CACNG2: variants seen among roughly 807,000 people sequenced by gnomAD.
The protein encoded by CACNG2 is voltage-dependent calcium channel gamma-2 subunit.
Under a neutral mutation model 25.9 loss-of-function variants are expected in CACNG2, and 3 were observed. The ratio of observed to expected loss-of-function variants is 0.12; its 90% CI spans 0.05 to 0.30. CACNG2 has a LOEUF of 0.30. Ranked by LOEUF, CACNG2 falls within the 10% of genes least tolerant of loss-of-function variation. The probability of loss-of-function intolerance (pLI) is 1.00; values close to 1 mark genes in which losing one functional copy is unlikely to be tolerated. For missense variants in CACNG2, 341 were observed against 432.5 expected, an observed-to-expected ratio of 0.79 and a Z score of 1.88; for synonymous variants, 167 against 173.3, an observed-to-expected ratio of 0.96 and a Z score of 0.29.
intron 2 of CACNG2, among the ~76,000 whole-genome samples, chr22:36,575,257 T>C (rs1298602661): frequency 1.3e-5 from 2 of 152,124 alleles, no homozygotes; most frequent in Non-Finnish European, 1.5e-5. Flanking sequence ...ATAAAGAGTA[T>C]CCTAAGTGCC....
chr22:36,610,305 C>T (rs1162002627), intron 1 of CACNG2, among the ~76,000 whole-genome samples: 3 of 141,848 alleles, frequency 2.1e-5, no homozygotes, highest in African/African-American at 5.4e-5. Flanking sequence ...CCGCTTAGAG[C>T]GTGATTGGGC....
rs578030584 is a variant in CACNG2 at position 36,571,404 on chromosome 22, CTG to C, written c.296-4913_296-4912del. ...CCCGGGAGGCAGAGGTTGCAGTAAA[CTG>C]AGATTTCGCCACTGCACTCTAGCCT... On this transcript the variant is annotated intron_variant, in intron 2 of 3. Transcript: ENST00000300105. 4.6e-5 allele frequency among the ~76,000 whole-genome samples: 7 copies of C among 152,008 alleles called. No individual in the cohort carries two copies. The South Asian group carries it at 1.5e-3, about 32-fold the overall frequency.
At chr22:36,685,021 A>G (rs894756414) in intron 1 of CACNG2, among the ~76,000 whole-genome samples, 3 of 151,918 alleles carry the variant, frequency 2.0e-5, no homozygotes, top group African/African-American at 7.3e-5. Flanking sequence ...GCCGTCTGAG[A>G]CTCTGGCCTG....
At chr22:36,654,786 A>T (rs1272690417) in intron 1 of CACNG2, among the ~76,000 whole-genome samples, 1 of 152,216 alleles carries the variant, frequency 6.6e-6, no homozygotes, top group South Asian at 2.1e-4. Context: ...CTAGAACTTC[A>T]GATTATTACA....
chr22:36,646,838 C>T (rs1936532339), intron 1 of CACNG2, among the ~76,000 whole-genome samples: 1 of 151,220 alleles, frequency 6.6e-6, no homozygotes, highest in African/African-American at 2.4e-5. Context: ...AGATTTCTCA[C>T]ATAATAATAA....
At chr22:36,700,864 T>A (rs144196004) in intron 1 of CACNG2, among the ~76,000 whole-genome samples, 41 of 152,314 alleles carry the variant, frequency 2.7e-4, no homozygotes, top group African/African-American at 9.4e-4. Flanking sequence ...AAATAGACCA[T>A]CGCTCAATGA....
chr22:36,588,354 A>C (rs1398723293), intron 1 of CACNG2, among the ~76,000 whole-genome samples: 1 of 152,182 alleles, frequency 6.6e-6, no homozygotes, highest in Non-Finnish European at 1.5e-5. Flanking sequence ...GCCTGGGGCA[A>C]ATCCCAGCAC....
At chr22:36,605,360 C>A (rs1372924873) in intron 1 of CACNG2, among the ~76,000 whole-genome samples, 1 of 152,192 alleles carries the variant, frequency 6.6e-6, no homozygotes, top group Non-Finnish European at 1.5e-5. Context: ...AAGGCATGAG[C>A]CACCATGCCC....
Position 36,679,136 on chromosome 22 carries a change from C to CCCTTCCTT in CACNG2, c.211+23222_211+23229dup, listed in dbSNP as rs575397901. On this transcript the variant is annotated intron_variant, in intron 1 of 3. Transcript: ENST00000300105. ...TATCTGCCAGCATTTTGGATTTTCT[C>CCCTTCCTT]CCTTCCTTCCTTCCTTCCTTCCTTC... Among the ~76,000 whole-genome samples, 193 of 128,430 alleles carry CCCTTCCTT rather than the reference C, an allele frequency of 1.5e-3. 2 individuals carry two copies. The highest frequency in any genetic ancestry group is 2.6e-3 in the African/African-American group (84 of 32,896). 84.3% of individuals were successfully genotyped at this position (128,430 alleles called of 152,430 possible).
chr22:36,696,653 C>T lies in CACNG2; in HGVS notation c.211+5713G>A, dbSNP rs1025208844. 9.2e-5 allele frequency among the ~76,000 whole-genome samples: 14 copies of T among 152,274 alleles called. No individual in the cohort carries two copies. The South Asian group carries it at 2.7e-3, about 29-fold the overall frequency. ...GTCTAGTGGTGAGAGACAGACACCACATATAATGAGTGGAGGACAGAGCGT... is the reference window on the plus strand; with the variant it reads ...GTCTAGTGGTGAGAGACAGACACCATATATAATGAGTGGAGGACAGAGCGT... On this transcript the variant is annotated intron_variant, in intron 1 of 3. Coordinates refer to ENST00000300105, the MANE Select transcript of CACNG2 (RefSeq NM_006078.5).
chr22:36,650,725 G>A (rs948068275), intron 1 of CACNG2, among the ~76,000 whole-genome samples: 4 of 151,860 alleles, frequency 2.6e-5, no homozygotes, highest in African/African-American at 9.7e-5. Flanking sequence ...TCACTTTTTT[G>A]GCCACGCTGA....
At chr22:36,631,124 C>T (rs548583389) in intron 1 of CACNG2, among the ~76,000 whole-genome samples, 21 of 152,232 alleles carry the variant, frequency 1.4e-4, no homozygotes, top group Middle Eastern at 3.4e-3. Context: ...CCACCGTACC[C>T]GGCCCTCTTG....
intron 1 of CACNG2, among the ~76,000 whole-genome samples, chr22:36,590,130 G>A (rs953691832): frequency 2.0e-5 from 3 of 152,116 alleles, no homozygotes; most frequent in Admixed American, 2.0e-4. Context: ...CCTGTTCCCC[G>A]CAGGAACAGG....
intron 1 of CACNG2, among the ~76,000 whole-genome samples, chr22:36,598,293 A>G (rs1424103649): frequency 6.6e-6 from 1 of 152,180 alleles, no homozygotes; most frequent in African/African-American, 2.4e-5. Flanking sequence ...GGGCACCAAG[A>G]TCTTTTGCAC....
chr22:36,669,438 G>T (rs1359203444), intron 1 of CACNG2, among the ~76,000 whole-genome samples: 1 of 147,822 alleles, frequency 6.8e-6, no homozygotes, highest in Non-Finnish European at 1.5e-5. Flanking sequence ...AACCCAGGAG[G>T]CAGAGGTTGC....
chr22:36,703,030 CAGTT>C lies in CACNG2; in HGVS notation c.-458_-455del, dbSNP rs1202763762. On this transcript the variant is annotated 5_prime_UTR_variant, in exon 1 of 4. The change creates a premature stop within an existing upstream ORF in the 5' untranslated region. Transcript: ENST00000300105. ...CCATTTCTCATGGTCGGGACCTAGACAGTTAGAGACTGTGAGAGCCGAGATGCAA... is the reference window on the plus strand; with the variant it reads ...CCATTTCTCATGGTCGGGACCTAGACAGAGACTGTGAGAGCCGAGATGCAA... 1.9e-5 allele frequency: 3 copies of C among 161,558 alleles called. No homozygotes were observed. The highest frequency in any genetic ancestry group is 1.7e-4 in the South Asian group (1 of 5,856). 10.0% of individuals were successfully genotyped at this position (161,558 alleles called of 1,614,324 possible).
Position 36,616,065 on chromosome 22 carries a change from T to C in CACNG2, c.212-28517A>G, listed in dbSNP as rs1936018320. On this transcript the variant is annotated intron_variant, in intron 1 of 3. Transcript: ENST00000300105. ...CCCAAAGACCCTCAACTCAGAAACT[T>C]ATGTCATCTGACTCCAGATCTCGTG... Among the ~76,000 whole-genome samples, 6 of 152,128 alleles carry C rather than the reference T, an allele frequency of 3.9e-5. No homozygotes were observed. The South Asian group carries it at 1.2e-3, about 32-fold the overall frequency.
At chr22:36,612,338 T>C (rs1200162072) in intron 1 of CACNG2, among the ~76,000 whole-genome samples, 1 of 152,244 alleles carries the variant, frequency 6.6e-6, no homozygotes, top group Non-Finnish European at 1.5e-5. Context: ...TAGGGATTCA[T>C]TAAATGTCAG....
intron 2 of CACNG2, among the ~76,000 whole-genome samples, chr22:36,567,185 G>A (rs1451571630): frequency 2.0e-5 from 3 of 152,348 alleles, no homozygotes; most frequent in East Asian, 3.9e-4. Flanking sequence ...TCCTAAGATT[G>A]TTGTGAGGAT....
Sources: gnomAD v4.1 joint callset for allele counts (sites outside exome capture counted in the v4.1 genomes callset) on GRCh38, gnomAD v4.1.1 for gene constraint, MANE v1.5 for transcripts, NCBI Gene and HGNC (gene_info 2026-07-23, HGNC 2026-07-21) for gene names.